STX1A: variants seen among roughly 807,000 people sequenced by gnomAD.
STX1A encodes the protein syntaxin-1A.
In STX1A, 4 loss-of-function variants were observed where a neutral mutation model predicts 37.8. The ratio of observed to expected loss-of-function variants is 0.11; its 90% confidence interval spans 0.05 to 0.24. The LOEUF (loss-of-function observed/expected upper bound fraction) is 0.24, where lower values mean the gene tolerates loss of function less well. Ranked by LOEUF, STX1A falls within the 10% of genes least tolerant of loss-of-function variation. The probability of loss-of-function intolerance (pLI) is 1.00; values close to 1 mark genes in which losing one functional copy is unlikely to be tolerated. For missense variants in STX1A, 251 were observed against 399.9 expected, an observed-to-expected ratio of 0.63 and a Z score of 3.18; for synonymous variants, 135 against 147.4, an observed-to-expected ratio of 0.92 and a Z score of 0.61.
rs868957108 is a variant in STX1A, at chr7:73,703,919, C to A, written c.467-91G>T. On this transcript the variant is annotated intron_variant, in intron 6 of 9. Transcript: ENST00000222812. ...CCGCCCCCTCCGTCCCAGGCCCGGG[C>A]TCCCCCCAGCCCCGAGCTCAGCGGC... 12 of 1,433,274 alleles carry A rather than the reference C, an allele frequency of 8.4e-6. No homozygotes were observed. The Middle Eastern group carries it at 9.9e-4, about 118-fold the overall frequency. 88.8% of individuals were successfully genotyped at this position (1,433,274 alleles called of 1,614,324 possible).
intron 4 of STX1A, chr7:73,704,642 T>G: frequency 1.2e-5 from 7 of 605,490 alleles, no homozygotes. Flanking sequence ...GCACACCCAC[T>G]CCAAGCTCTG....
rs1468322768 is a variant in STX1A, at chr7:73,702,117, G to A, written c.678+728C>T. On this transcript the variant is annotated intron_variant, in intron 8 of 9. Coordinates refer to ENST00000222812, the MANE Select transcript of STX1A (RefSeq NM_004603.4). This position sits in a 1 kb window ranked among gnomAD's most constrained non-coding sequence, Gnocchi z 4.7. Reference sequence around the variant, plus strand: ...TAAGTCTGGGTCTTGCTGGGCTTGGGACCTTAGTGTTGCTGGGGCCAGCTC... The same window carrying A: ...TAAGTCTGGGTCTTGCTGGGCTTGGAACCTTAGTGTTGCTGGGGCCAGCTC... 6.6e-6 allele frequency among the ~76,000 whole-genome samples: 1 copy of A among 152,128 alleles called. No homozygotes were observed. Among genetic ancestry groups the A allele is most frequent in the Non-Finnish European group, 1.5e-5 (1 of 68,036 alleles).
At chr7:73,715,608 C>T (rs1799265360) in intron 1 of STX1A, among the ~76,000 whole-genome samples, 1 of 152,048 alleles carries the variant, frequency 6.6e-6, no homozygotes, top group South Asian at 2.1e-4. Flanking sequence ...CTAGCAGAGA[C>T]TCCAGGATTC....
Position 73,700,248 on chromosome 7 carries a change from G to A in STX1A, c.*159C>T, listed in dbSNP as rs1042863898. On this transcript the variant is annotated 3_prime_UTR_variant, in exon 10 of 10. Coordinates refer to ENST00000222812, the MANE Select transcript of STX1A (RefSeq NM_004603.4). The surrounding 1 kb of genome is among the most constrained non-coding windows in gnomAD (Gnocchi z 4.4). ...AGAGATCATGCACACGACACGGGGC[G>A]GGGACGGAGGGCCCATGGCAGAGAA... The A allele has an allele frequency of 5.5e-5, 37 of 677,806 alleles. No individual in the cohort carries two copies. Among genetic ancestry groups the A allele is most frequent in the Middle Eastern group, 3.7e-4 (1 of 2,668 alleles). 42.0% of individuals were successfully genotyped at this position (677,806 alleles called of 1,614,324 possible).
Position 73,700,529 on chromosome 7 carries a change from C to T in STX1A, c.790-45G>A. 1 of 1,605,276 alleles carries T rather than the reference C, an allele frequency of 6.2e-7. No homozygotes were observed. The highest frequency in any genetic ancestry group is 8.5e-7 in the Non-Finnish European group (1 of 1,175,232). ...GAGAGGCCTCAGACAGTGTTGGCGG[C>T]AGGTGGGGTGGGACTATGGCAAAGG... On this transcript the variant is annotated intron_variant, in intron 9 of 9. Coordinates refer to ENST00000222812, the MANE Select transcript of STX1A (RefSeq NM_004603.4). The surrounding 1 kb of genome is among the most constrained non-coding windows in gnomAD (Gnocchi z 4.4).
intron 4 of STX1A, chr7:73,704,803 T>G (rs1045434485): frequency 1.2e-5 from 6 of 509,502 alleles, no homozygotes; most frequent in Non-Finnish European, 1.8e-5. Flanking sequence ...GCCTTGGCAC[T>G]CATGGGGTGC....
At chr7:73,711,468 CT>C (rs1373933568) in intron 1 of STX1A, 1 of 153,306 alleles carries the variant, frequency 6.5e-6, no homozygotes, top group Non-Finnish European at 1.5e-5. Flanking sequence ...CTCGTTCCCA[CT>C]CCCCACCGAG....
chr7:73,708,778 G>T, intron 2 of STX1A, 90 bp from the exon 3 acceptor site: 1 of 1,392,196 alleles, frequency 7.2e-7, no homozygotes. Flanking sequence ...GCTGCGGTCA[G>T]GGCTCAGGGG....
At chr7:73,715,230 T>C (rs541223873) in intron 1 of STX1A, among the ~76,000 whole-genome samples, 1 of 151,946 alleles carries the variant, frequency 6.6e-6, no homozygotes, top group Non-Finnish European at 1.5e-5. Context: ...GAGGCCATCC[T>C]GCCCAACATG....
chr7:73,706,988 C>A lies in STX1A; in HGVS notation c.208+1601G>T, dbSNP rs138876132. On this transcript the variant is annotated intron_variant, in intron 3 of 9. Transcript: ENST00000222812. The surrounding 1 kb of genome is among the most constrained non-coding windows in gnomAD (Gnocchi z 4.6). ...ACTGGCTTAGTTGGTGTGGCACTGA[C>A]CTGGGTTCATGCACACTTTGGGGCT... is the stretch of plus-strand genomic sequence containing the variant. Among the ~76,000 whole-genome samples the A allele has an allele frequency of 5.9e-4, 90 of 152,270 alleles. No individual in the cohort carries two copies. Among genetic ancestry groups the A allele is most frequent in the African/African-American group, 2.1e-3 (86 of 41,556 alleles).
At chr7:73,703,074 G>T in intron 7 of STX1A, 92 bp from the exon 8 acceptor site, 1 of 980,816 alleles carries the variant, frequency 1.0e-6, no homozygotes, top group Non-Finnish European at 1.5e-6. Context: ...GGGCAGAGCT[G>T]CTCCGGAAGG....
Position 73,702,916 on chromosome 7 carries a change from T to C in STX1A, c.607A>G (p.Ile203Val). 1 of 1,613,620 alleles carries C rather than the reference T, an allele frequency of 6.2e-7. No homozygotes were observed. The highest frequency in any genetic ancestry group is 8.5e-7 in the Non-Finnish European group (1 of 1,179,988). The change falls in exon 8 of 10, where the codon ATC becomes GTC. Residue 203 changes from isoleucine to valine, a missense_variant. By Grantham distance (29) the Ile-to-Val change is conservative. Coordinates refer to ENST00000222812, the MANE Select transcript of STX1A (RefSeq NM_004603.4). The surrounding 1 kb of genome is among the most constrained non-coding windows in gnomAD (Gnocchi z 4.7). ...SEIETRHSEI[I>V]KLENSIRELH... ...TCACGGATGCTGTTCTCCAGCTTGA[T>C]GATCTCACTGTGCCGCGTCTCAATC...
At position 73,706,829 on chromosome 7, in the gene STX1A, T is replaced by C. The variant is rs1275306228; in HGVS notation, c.209-1605A>G. On this transcript the variant is annotated intron_variant, in intron 3 of 9. Transcript: ENST00000222812. This position sits in a 1 kb window ranked among gnomAD's most constrained non-coding sequence, Gnocchi z 4.6. The stretch of plus-strand genomic sequence containing the variant: ...TCTGGGCGCACAGACATCCGTCTCA[T>C]GCTGCCATCCAACAAATCTCTCAGG... Among the ~76,000 whole-genome samples, 2 of 152,198 alleles carry C rather than the reference T, an allele frequency of 1.3e-5. No homozygotes were observed. The highest frequency in any genetic ancestry group is 2.9e-5 in the Non-Finnish European group (2 of 68,030).
intron 1 of STX1A, among the ~76,000 whole-genome samples, chr7:73,711,661 C>T (rs1323521108): frequency 2.6e-5 from 4 of 152,152 alleles, no homozygotes; most frequent in African/African-American, 9.7e-5. Flanking sequence ...TCCTCCTGGG[C>T]AGGCTGCCAG....
At position 73,705,732 on chromosome 7, in the gene STX1A, C is replaced by T. The variant is rs1798847140; in HGVS notation, c.209-508G>A. 6.3e-6 allele frequency: 1 copy of T among 157,724 alleles called. No individual in the cohort carries two copies. Among genetic ancestry groups the T allele is most frequent in the South Asian group, 1.9e-4 (1 of 5,336 alleles). 9.8% of individuals were successfully genotyped at this position (157,724 alleles called of 1,614,324 possible). On this transcript the variant is annotated intron_variant, in intron 3 of 9. Transcript: ENST00000222812. This position sits in a 1 kb window ranked among gnomAD's most constrained non-coding sequence, Gnocchi z 5.2. ...TGGGTGGGGCAGACCTTGCTGTTCC[C>T]ACAAAGCTACGCCTCCCTGGGTGCT...
rs982794179 is a variant in STX1A, at chr7:73,703,134, G to A, written c.541-152C>T. The A allele has an allele frequency of 5.8e-5, 39 of 673,538 alleles. No homozygotes were observed. The African/African-American group carries it at 6.3e-4, about 11-fold the overall frequency. 41.7% of individuals were successfully genotyped at this position (673,538 alleles called of 1,614,324 possible). A position where few individuals can be genotyped will look rare whatever the true frequency, so the allele number is the denominator to read the frequency against. On this transcript the variant is annotated intron_variant, in intron 7 of 9. Transcript: ENST00000222812. ...GCAGCCTTCCCCGCCTTGCTACCTG[G>A]CTCTGCCACATGCTAGCTGTTACCT...
chr7:73,707,295 A>G (rs1217978652), intron 3 of STX1A, among the ~76,000 whole-genome samples: 2 of 152,228 alleles, frequency 1.3e-5, no homozygotes, highest in Non-Finnish European at 2.9e-5. Flanking sequence ...GTCTGGGGAC[A>G]GAGTGCGAGC....
In STX1A at chr7:73,700,141, G is replaced by C; in HGVS notation, c.*266C>G. The stretch of plus-strand genomic sequence containing the variant: ...CTGTGTCACCCTGGCGGCCCTGCCT[G>C]GGTCTGCTCCTCGCTGTGCACACTG... On this transcript the variant is annotated 3_prime_UTR_variant, in exon 10 of 10. Transcript: ENST00000222812. This position sits in a 1 kb window ranked among gnomAD's most constrained non-coding sequence, Gnocchi z 4.4. The C allele has an allele frequency of 1.8e-6, 1 of 542,076 alleles. No individual in the cohort carries two copies. Among genetic ancestry groups the C allele is most frequent in the Non-Finnish European group, 3.3e-6 (1 of 301,662 alleles). The allele number at this position is 542,076 out of a possible 1,614,324, so 33.6% of individuals were successfully genotyped here. A position where few individuals can be genotyped will look rare whatever the true frequency, so the allele number is the denominator to read the frequency against.
In STX1A at chr7:73,702,932, C is replaced by T. The variant is rs782245623; in HGVS notation, c.591G>A (p.Thr197=). Residue 197 remains threonine, a synonymous_variant, in exon 8 of 10, where the codon ACG becomes ACA. Coordinates refer to ENST00000222812, the MANE Select transcript of STX1A (RefSeq NM_004603.4). This position sits in a 1 kb window ranked among gnomAD's most constrained non-coding sequence, Gnocchi z 4.7. The part of the protein sequence containing the change: ...ISKQALSEIE[T]RHSEIIKLEN... ...CCAGCTTGATGATCTCACTGTGCCG[C>T]GTCTCAATCTCGCTCAGAGCCTGCT... The T allele has an allele frequency of 1.7e-5, 27 of 1,613,198 alleles. No individual in the cohort carries two copies. In the Admixed American group the frequency reaches 3.2e-4, roughly 19 times the overall value.
Sources: gnomAD v4.1 joint callset for allele counts (sites outside exome capture counted in the v4.1 genomes callset) on GRCh38, gnomAD v4.1.1 for gene constraint, Gnocchi (gnomAD v3.1) non-coding constraint, MANE v1.5 for transcripts, NCBI Gene and HGNC (gene_info 2026-07-23, HGNC 2026-07-21) for gene names.